SDK1: variants seen among roughly 807,000 people sequenced by gnomAD.
The protein encoded by SDK1 is sidekick cell adhesion molecule 1.
SDK1 carries 157 observed loss-of-function variants against 245.5 expected under a neutral mutation model. The ratio of observed to expected loss-of-function variants is 0.64; its 90% CI spans 0.56 to 0.73. The LOEUF (loss-of-function observed/expected upper bound fraction) is 0.73. SDK1 is among the 30% of genes least tolerant of loss of function. The pLI is 0.00. For synonymous variants in SDK1, 1,647 were observed against 1,278.5 expected, an observed-to-expected ratio of 1.29 and a Z score of -6.15; for missense variants, 3,583 against 3,002.3, an observed-to-expected ratio of 1.19 and a Z score of -4.52.
At position 4,145,734 on chromosome 7, in the gene SDK1, C is replaced by G; in HGVS notation, c.4241C>G (p.Ala1414Gly). 1 of 1,606,498 alleles carries G rather than the reference C, an allele frequency of 6.2e-7. No individual in the cohort carries two copies. ...CACCTGCCTGCAGGGTACCAGATTG[C>G]CTACCGCCTGGCCAGCAGCAGCCCC... ...PNGIILGYQI[A>G]YRLASSSPHT... The change falls in exon 29 of 45, where the codon GCC becomes GGC. Residue 1414 changes from alanine to glycine, a missense_variant. Ala to Gly is a moderately conservative substitution (Grantham distance 60, BLOSUM62 0). Coordinates refer to ENST00000404826, the MANE Select transcript of SDK1 (RefSeq NM_152744.4).
intron 5 of SDK1, among the ~76,000 whole-genome samples, chr7:3,864,049 C>T (rs997551928): frequency 6.6e-6 from 1 of 152,220 alleles, no homozygotes; most frequent in African/African-American, 2.4e-5. Context: ...TTCCCATCCA[C>T]AGTGCACACA....
chr7:3,880,797 A>G (rs1962784), intron 5 of SDK1, among the ~76,000 whole-genome samples: 54,746 of 151,954 alleles, frequency 0.36, 14,396 homozygotes, highest in African/African-American at 0.75. Context: ...TGCGGCTCGC[A>G]CAGCTTTGCC....
rs759547221 is a variant in SDK1, at chr7:3,907,225, A to G, written c.848-43698A>G. ...GCACATTGTTGTGTAAACATCCTGC[A>G]TATCTATTTCAAAAATGTTTTATCA... On this transcript the variant is annotated intron_variant, in intron 5 of 44. Coordinates refer to ENST00000404826, the MANE Select transcript of SDK1 (RefSeq NM_152744.4). Among the ~76,000 whole-genome samples the G allele has an allele frequency of 2.1e-4, 32 of 152,314 alleles. No individual in the cohort carries two copies. The South Asian group carries it at 3.3e-3, about 16-fold the overall frequency.
chr7:3,453,133 C>A (rs73294808), intron 1 of SDK1, among the ~76,000 whole-genome samples: 2,815 of 152,064 alleles, frequency 0.019, 103 homozygotes, highest in African/African-American at 0.065. Flanking sequence ...CAGTTTAACC[C>A]CCCCCGGTTT....
Position 3,379,506 on chromosome 7 carries a change from C to T in SDK1, c.298+77622C>T, listed in dbSNP as rs902637289. Among the ~76,000 whole-genome samples, 10 of 152,048 alleles carry T rather than the reference C, an allele frequency of 6.6e-5. No homozygotes were observed. In the South Asian group the frequency reaches 2.1e-3, roughly 32 times the overall value. On this transcript the variant is annotated intron_variant, in intron 1 of 44. Coordinates refer to ENST00000404826, the MANE Select transcript of SDK1 (RefSeq NM_152744.4). ...CTTTGGAAACAGGATGGGGAAAGAC[C>T]TTTATTCGTAGATGGAGGGGAACGG...
chr7:4,107,026 G>GAGCTCTGGGCAGA (rs1782969532), intron 22 of SDK1, among the ~76,000 whole-genome samples: 4 of 151,310 alleles, frequency 2.6e-5, no homozygotes, highest in Admixed American at 6.6e-5. Context: ...AGGAGGGCAG[G>GAGCTCTGGGCAGA]GAGCTCTAGG....
chr7:3,894,743 G>A (rs1281160501), intron 5 of SDK1, among the ~76,000 whole-genome samples: 1 of 141,078 alleles, frequency 7.1e-6, no homozygotes, highest in South Asian at 2.3e-4. Flanking sequence ...CTGTCCCCCC[G>A]GTTGGAGTGC....
At chr7:4,220,512 G>GTTTT (rs1345364380) in intron 39 of SDK1, among the ~76,000 whole-genome samples, 94 of 83,790 alleles carry the variant, frequency 1.1e-3, no homozygotes, top group African/African-American at 6.4e-3. Flanking sequence ...TCAAGTTTTA[G>GTTTT]TTGTTTTTTT....
intron 4 of SDK1, among the ~76,000 whole-genome samples, chr7:3,723,138 C>G (rs150782158): frequency 5.3e-5 from 8 of 152,164 alleles, no homozygotes; most frequent in African/African-American, 1.9e-4. Flanking sequence ...AGACGTTTCT[C>G]AAGTGTGTTC....
At chr7:3,796,269 T>C (rs1778957680) in intron 4 of SDK1, among the ~76,000 whole-genome samples, 1 of 152,258 alleles carries the variant, frequency 6.6e-6, no homozygotes, top group African/African-American at 2.4e-5. Flanking sequence ...AAAGCATTTA[T>C]CCTCCGTGTC....
chr7:3,858,924 G>A (rs1327343775), intron 5 of SDK1, among the ~76,000 whole-genome samples: 3 of 147,504 alleles, frequency 2.0e-5, no homozygotes, highest in Non-Finnish European at 3.0e-5. Flanking sequence ...GTGCAGTGGC[G>A]TGATCTCGGC....
chr7:3,767,993 C>T (rs1780303219), intron 4 of SDK1, among the ~76,000 whole-genome samples: 1 of 152,190 alleles, frequency 6.6e-6, no homozygotes, highest in Admixed American at 6.5e-5. Context: ...TACGTAGGTG[C>T]TGTTACTTTC....
At chr7:3,686,775 G>A (rs1209123855) in intron 4 of SDK1, among the ~76,000 whole-genome samples, 2 of 152,168 alleles carry the variant, frequency 1.3e-5, no homozygotes, top group South Asian at 2.1e-4. Context: ...TGCAGGGGAC[G>A]AGGTCAGCTT....
At chr7:3,608,023 A>G (rs573364346) in intron 1 of SDK1, among the ~76,000 whole-genome samples, 1 of 152,324 alleles carries the variant, frequency 6.6e-6, no homozygotes, top group Admixed American at 6.5e-5. Flanking sequence ...AGCTTTTGGC[A>G]ACGATTTAAA....
At chr7:4,247,603 C>G (rs1478226123) in intron 44 of SDK1, among the ~76,000 whole-genome samples, 1 of 152,270 alleles carries the variant, frequency 6.6e-6, no homozygotes, top group Non-Finnish European at 1.5e-5. Flanking sequence ...CCTGTCCCTG[C>G]TGCCGCTGCC....
chr7:4,113,208 ACAGT>A (rs1379025709), intron 23 of SDK1, 77 bp from the exon 24 acceptor site: 3 of 1,459,846 alleles, frequency 2.1e-6, no homozygotes, highest in Admixed American at 2.0e-5. Context: ...CCCTTGAGAA[ACAGT>A]CAGCGCCTTT....
chr7:3,498,315 G>C (rs975776363), intron 1 of SDK1, among the ~76,000 whole-genome samples: 5 of 152,110 alleles, frequency 3.3e-5, no homozygotes, highest in Non-Finnish European at 7.4e-5. Context: ...GTAGACTTCG[G>C]TTCTAGGACT....
intron 31 of SDK1, among the ~76,000 whole-genome samples, chr7:4,158,758 A>G (rs1457264646): frequency 6.6e-6 from 1 of 152,218 alleles, no homozygotes; most frequent in South Asian, 2.1e-4. Context: ...ATGGAATGGA[A>G]GTTTCTTTGA....
At position 3,301,788 on chromosome 7, in the gene SDK1, T is replaced by TGCGGC; in HGVS notation, c.204_208dup (p.Gly70AlafsTer143). ...CGGGGACACGGCGGGCGCGGGGCGG[T>TGCGGC]GCGGCGGGCGGCGGGCGGCAAAGTT... On this transcript the variant is annotated frameshift_variant, in exon 1 of 45. Coordinates refer to ENST00000404826, the MANE Select transcript of SDK1 (RefSeq NM_152744.4). LOFTEE classifies it high-confidence loss of function. 2.0e-6 allele frequency: 2 copies of TGCGGC among 1,010,732 alleles called. No individual in the cohort carries two copies. Among genetic ancestry groups the TGCGGC allele is most frequent in the South Asian group, 4.5e-5 (1 of 22,154 alleles). The allele number at this position is 1,010,732 out of a possible 1,614,324, so 62.6% of individuals were successfully genotyped here. A position where few individuals can be genotyped will look rare whatever the true frequency, so the allele number is the denominator to read the frequency against.
Sources: allele counts gnomAD v4.1 joint callset (sites outside exome capture counted in the v4.1 genomes callset), GRCh38; gene constraint gnomAD v4.1.1; transcripts MANE v1.5; gene names NCBI Gene and HGNC (gene_info 2026-07-23, HGNC 2026-07-21).